The following COG6 variants were observed in gnomAD, a reference collection of about 807,000 sequenced individuals.
COG6 encodes component of oligomeric golgi complex 6, also known as conserved oligomeric Golgi complex subunit 6.
A neutral mutation model predicts 88.8 loss-of-function variants in COG6; 74 were observed. The ratio of observed to expected loss-of-function variants is 0.83; its 90% confidence interval spans 0.69 to 1.01. The LOEUF (loss-of-function observed/expected upper bound fraction) is 1.01, where lower values mean the gene tolerates loss of function less well. COG6 is among the 50% of genes least tolerant of loss of function. COG6 has a pLI of 0.00. For missense variants in COG6, 800 were observed against 797.9 expected (o/e 1.00, Z -0.03); for synonymous variants, 286 against 278.7 (o/e 1.03, Z -0.26).
intron 13 of COG6, among the ~76,000 whole-genome samples, chr13:39,700,105 A>G (rs1366305745): frequency 5.3e-5 from 8 of 151,880 alleles, no homozygotes; most frequent in Admixed American, 3.3e-4. Flanking sequence ...AAAATCCTCA[A>G]AGAGTCCTGT....
downstream of COG6, among the ~76,000 whole-genome samples, chr13:39,755,285 G>A (rs1188540221): frequency 2.6e-5 from 4 of 152,114 alleles, no homozygotes; most frequent in African/African-American, 9.7e-5. Flanking sequence ...CAGTAGTGTT[G>A]AAAAGAACAC....
intron 18 of COG6, among the ~76,000 whole-genome samples, chr13:39,734,731 G>GTC (rs962724837): frequency 1.3e-5 from 2 of 152,140 alleles, no homozygotes; most frequent in Non-Finnish European, 2.9e-5. Context: ...TTTGGAGTCT[G>GTC]TCTCTCTCAT....
At position 39,688,399 on chromosome 13, in the gene COG6, C is replaced by T. The variant is rs144379178; in HGVS notation, c.1009+600C>T. On this transcript the variant is annotated intron_variant, in intron 10 of 18. Transcript: ENST00000455146. ...AGAGGAAGCATGATGCCAACATCTG[C>T]TTCTGGTGAAGGCCTCAGGAAGCAT... Among the ~76,000 whole-genome samples, 120 of 152,272 alleles carry T rather than the reference C, an allele frequency of 7.9e-4. 1 individual carries two copies. The Middle Eastern group carries it at 0.024, about 30-fold the overall frequency.
chr13:39,762,662 A>G (rs1304397309), intron 18 of COG6, among the ~76,000 whole-genome samples: 1 of 151,566 alleles, frequency 6.6e-6, no homozygotes, highest in African/African-American at 2.4e-5. Context: ...AATTGATTTT[A>G]TATGTTGATT....
At chr13:39,674,236 G>A (rs766483746) in intron 4 of COG6, among the ~76,000 whole-genome samples, 19 of 120,696 alleles carry the variant, frequency 1.6e-4, no homozygotes, top group South Asian at 1.2e-3. Context: ...GACAGGCCCC[G>A]GTATCACACC....
At chr13:39,771,268 G>T (rs567450945) in intron 18 of COG6, among the ~76,000 whole-genome samples, 1 of 152,198 alleles carries the variant, frequency 6.6e-6, no homozygotes, top group Non-Finnish European at 1.5e-5. Flanking sequence ...CTTGTTTCCC[G>T]CAGGTACTGA....
intron 18 of COG6, among the ~76,000 whole-genome samples, chr13:39,758,237 A>AAAAAAAG (rs1240289975): frequency 6.7e-6 from 1 of 149,852 alleles, no homozygotes; most frequent in Non-Finnish European, 1.5e-5. Context: ...AAAAAAAAAA[A>AAAAAAAG]AAAAATGACG....
chr13:39,723,274 C>T, intron 15 of COG6, 59 bp from the exon 16 acceptor site: 1 of 1,031,730 alleles, frequency 9.7e-7, no homozygotes, highest in Non-Finnish European at 1.5e-6. Flanking sequence ...CAAGGCACTG[C>T]ATCTACTCTC....
chr13:39,749,124 A>G (rs1390623195), intron 18 of COG6, among the ~76,000 whole-genome samples: 1 of 152,218 alleles, frequency 6.6e-6, no homozygotes, highest in Non-Finnish European at 1.5e-5. Flanking sequence ...AGTCACAGTC[A>G]TGTACTCTTG....
chr13:39,674,724 A>G (rs537437845), intron 4 of COG6, among the ~76,000 whole-genome samples: 1 of 152,278 alleles, frequency 6.6e-6, no homozygotes, highest in African/African-American at 2.4e-5. Flanking sequence ...GCATGATGAA[A>G]TCTCAAGTGG....
At chr13:39,746,101 A>G (rs1043895332) in intron 18 of COG6, among the ~76,000 whole-genome samples, 1 of 151,652 alleles carries the variant, frequency 6.6e-6, no homozygotes, top group African/African-American at 2.4e-5. Context: ...GGAGTAGGGG[A>G]GGGATAGCAT....
At chr13:39,677,687 G>T (rs1876055957) in intron 5 of COG6, 108 bp downstream of exon 5, 5 of 611,042 alleles carry the variant, frequency 8.2e-6, no homozygotes, top group Non-Finnish European at 1.4e-5. Context: ...TTTCATCTGA[G>T]AATATTTTTA....
chr13:39,775,505 A>G (rs1424674677), intron 18 of COG6, among the ~76,000 whole-genome samples: 5 of 152,160 alleles, frequency 3.3e-5, no homozygotes, highest in African/African-American at 4.8e-5. Context: ...TTTGACTTTC[A>G]CTAGCCTTTG....
At chr13:39,769,721 T>C (rs1881266805) in intron 18 of COG6, among the ~76,000 whole-genome samples, 1 of 152,104 alleles carries the variant, frequency 6.6e-6, no homozygotes, top group Non-Finnish European at 1.5e-5. Flanking sequence ...AAGGTAATGG[T>C]ATTAAGAGAG....
intron 13 of COG6, among the ~76,000 whole-genome samples, chr13:39,700,595 AATAATTTATACATG>A (rs1877522393): frequency 1.3e-5 from 2 of 151,936 alleles, no homozygotes; most frequent in African/African-American, 4.8e-5. Context: ...ACTCTTCTAA[AATAATTTATACATG>A]ATACACAAAC....
chr13:39,729,783 A>G (rs1879337566), intron 18 of COG6, among the ~76,000 whole-genome samples: 1 of 152,204 alleles, frequency 6.6e-6, no homozygotes, highest in South Asian at 2.1e-4. Context: ...AATTAGTACA[A>G]TCTTTTCAAA....
chr13:39,745,533 A>G (rs1448935395), intron 18 of COG6, among the ~76,000 whole-genome samples: 4 of 152,216 alleles, frequency 2.6e-5, no homozygotes, highest in Non-Finnish European at 5.9e-5. Flanking sequence ...CAAAACCACA[A>G]TGAGATACCA....
chr13:39,753,487 A>G (rs1880733444), downstream of COG6, among the ~76,000 whole-genome samples: 1 of 152,164 alleles, frequency 6.6e-6, no homozygotes, highest in Admixed American at 6.5e-5. Context: ...TTAACTTGCC[A>G]TGTTTCCAGA....
In COG6 at chr13:39,672,921, G is replaced by C. The variant is rs148092327; in HGVS notation, c.429-4547G>C. On this transcript the variant is annotated intron_variant, in intron 4 of 18. Transcript: ENST00000455146. ...TTTTTAATCTGTCATTTTGATGATA[G>C]CCATGCTACTGGGTGTGAAGTACTA... 2.9e-3 allele frequency among the ~76,000 whole-genome samples: 441 copies of C among 152,116 alleles called. 2 individuals are homozygous for C. The highest frequency in any genetic ancestry group is 4.3e-3 in the Non-Finnish European group (290 of 67,890).
Sources: gnomAD v4.1 joint callset for allele counts (sites outside exome capture counted in the v4.1 genomes callset) on GRCh38, gnomAD v4.1.1 for gene constraint, MANE v1.5 for transcripts, NCBI Gene and HGNC (gene_info 2026-07-23, HGNC 2026-07-21) for gene names.